FRMD3: variants seen among roughly 807,000 people sequenced by gnomAD.
FRMD3 encodes the protein FERM domain containing 3.
FRMD3 carries 33 observed loss-of-function variants against 70.2 expected under a neutral mutation model. The observed-to-expected ratio is 0.47, with a 90% CI of 0.36 to 0.63. The LOEUF (loss-of-function observed/expected upper bound fraction) is 0.63, where lower values mean the gene tolerates loss of function less well. FRMD3 is among the 20% of genes least tolerant of loss of function. The probability of loss-of-function intolerance (pLI) is 0.00; values close to 1 mark genes in which losing one functional copy is unlikely to be tolerated. For synonymous variants in FRMD3, 279 were observed against 255.9 expected (o/e 1.09, Z -0.86); for missense variants, 632 against 711.4 (o/e 0.89, Z 1.27).
chr9:83,273,697 AAATTGACTAAGATTTATGCACAAAGTGT>A (rs1563987853), intron 13 of FRMD3, among the ~76,000 whole-genome samples: 3 of 152,036 alleles, frequency 2.0e-5, no homozygotes, highest in Admixed American at 2.0e-4. Context: ...CCCCTCCAAG[AAATTGACTAAGATTTATGCACAAAGTGT>A]CTAAAATTAT....
chr9:83,324,968 A>G (rs1191619115), intron 6 of FRMD3, among the ~76,000 whole-genome samples: 1 of 152,332 alleles, frequency 6.6e-6, no homozygotes, highest in Admixed American at 6.5e-5. Flanking sequence ...CCTGCGTGCC[A>G]TGGCACAGCA....
intron 3 of FRMD3, among the ~76,000 whole-genome samples, chr9:83,365,485 T>C (rs941012282): frequency 3.3e-5 from 5 of 152,170 alleles, no homozygotes; most frequent in Admixed American, 6.5e-5. Flanking sequence ...ATAAGGCAGC[T>C]ATTGTTTTAG....
At chr9:83,406,120 T>G (rs745419869) in intron 1 of FRMD3, among the ~76,000 whole-genome samples, 1 of 152,166 alleles carries the variant, frequency 6.6e-6, no homozygotes, top group Non-Finnish European at 1.5e-5. Context: ...TAAACAGCAT[T>G]GCTAAGGAGC....
At chr9:83,309,462 C>T in intron 10 of FRMD3, 74 bp downstream of exon 10, 2 of 820,092 alleles carry the variant, frequency 2.4e-6, no homozygotes, top group Non-Finnish European at 3.9e-6. Flanking sequence ...AATAAATATG[C>T]AGCCATTTGC....
At chr9:83,402,079 G>C (rs922545577) in intron 1 of FRMD3, among the ~76,000 whole-genome samples, 4 of 151,682 alleles carry the variant, frequency 2.6e-5, no homozygotes, top group Non-Finnish European at 5.9e-5. Flanking sequence ...GGCATTCCAT[G>C]AGTTTAGAGT....
intron 3 of FRMD3, among the ~76,000 whole-genome samples, chr9:83,371,074 C>G (rs72743091): frequency 0.14 from 21,729 of 152,068 alleles, 1,699 homozygotes; most frequent in Non-Finnish European, 0.17. Flanking sequence ...TATTTCAAAA[C>G]TGGGTATGGC....
chr9:83,413,979 C>A (rs1826351872), intron 1 of FRMD3, among the ~76,000 whole-genome samples: 1 of 152,096 alleles, frequency 6.6e-6, no homozygotes, highest in Non-Finnish European at 1.5e-5. Flanking sequence ...GCCGGGAGAC[C>A]ATACAAAGTG....
At chr9:83,439,527 TCCG>T (rs1429616957) in intron 1 of FRMD3, among the ~76,000 whole-genome samples, 2 of 152,032 alleles carry the variant, frequency 1.3e-5, no homozygotes, top group African/African-American at 4.8e-5. Context: ...CCCTTCTATG[TCCG>T]CCATCTTTCT....
At chr9:83,494,279 T>C (rs1828891974) in intron 1 of FRMD3, among the ~76,000 whole-genome samples, 2 of 152,206 alleles carry the variant, frequency 1.3e-5, no homozygotes, top group African/African-American at 4.8e-5. Flanking sequence ...TACTTTACAG[T>C]TACTTGCATT....
chr9:83,280,889 C>T (rs1833954922), intron 13 of FRMD3, among the ~76,000 whole-genome samples: 1 of 152,006 alleles, frequency 6.6e-6, no homozygotes, highest in Non-Finnish European at 1.5e-5. Context: ...TCCAATTCAC[C>T]ATCTGCCAAA....
chr9:83,316,221 C>CA (rs1444146123), intron 6 of FRMD3, among the ~76,000 whole-genome samples: 2 of 137,128 alleles, frequency 1.5e-5, no homozygotes, highest in Non-Finnish European at 3.0e-5. Flanking sequence ...TGCAGTGGTG[C>CA]AATCTCAGCT....
upstream of FRMD3, among the ~76,000 whole-genome samples, chr9:83,542,559 A>C (rs1403915062): frequency 6.6e-6 from 1 of 152,238 alleles, no homozygotes; most frequent in Non-Finnish European, 1.5e-5. Context: ...AGTGCAACCC[A>C]AGTCAAAACC....
chr9:83,351,429 A>C (rs976490244), intron 3 of FRMD3, among the ~76,000 whole-genome samples: 5 of 151,568 alleles, frequency 3.3e-5, no homozygotes, highest in African/African-American at 9.7e-5. Flanking sequence ...AGTGCTCCTA[A>C]CCTGATCCTA....
At chr9:83,419,764 G>A (rs372618386) in intron 1 of FRMD3, among the ~76,000 whole-genome samples, 3 of 151,858 alleles carry the variant, frequency 2.0e-5, no homozygotes, top group Admixed American at 6.6e-5. Context: ...CTTCTATTCT[G>A]TGTTCACCTA....
At chr9:83,455,084 T>C (rs767064265) in intron 1 of FRMD3, among the ~76,000 whole-genome samples, 17 of 152,200 alleles carry the variant, frequency 1.1e-4, no homozygotes, top group Admixed American at 1.3e-4. Context: ...TTTTTAATTA[T>C]GCAATGTTTG....
At chr9:83,396,496 T>A (rs1277428833) in intron 1 of FRMD3, among the ~76,000 whole-genome samples, 1 of 152,180 alleles carries the variant, frequency 6.6e-6, no homozygotes, top group African/African-American at 2.4e-5. Context: ...CCCAATCGCA[T>A]CTGAGGGCTC....
At chr9:83,259,372 T>C (rs983272872) in intron 13 of FRMD3, among the ~76,000 whole-genome samples, 1 of 152,170 alleles carries the variant, frequency 6.6e-6, no homozygotes, top group Non-Finnish European at 1.5e-5. Flanking sequence ...GAATATCACA[T>C]CATCATCAGG....
intron 1 of FRMD3, among the ~76,000 whole-genome samples, chr9:83,450,697 A>G (rs1031964142): frequency 1.3e-5 from 2 of 152,288 alleles, no homozygotes; most frequent in Non-Finnish European, 2.9e-5. Flanking sequence ...TGGAGTCTCC[A>G]TGCCACTCGC....
At chr9:83,461,370 A>AT (rs1170339344) in intron 1 of FRMD3, among the ~76,000 whole-genome samples, 2 of 152,178 alleles carry the variant, frequency 1.3e-5, no homozygotes, top group African/African-American at 2.4e-5. Flanking sequence ...TGACACTGTG[A>AT]TTTTTAGCCC....
Sources: allele counts gnomAD v4.1 joint callset (sites outside exome capture counted in the v4.1 genomes callset), GRCh38; gene constraint gnomAD v4.1.1; transcripts MANE v1.5; gene names NCBI Gene and HGNC (gene_info 2026-07-23, HGNC 2026-07-21).